The following NTM variants were observed in gnomAD, a reference collection of about 807,000 sequenced individuals.
NTM encodes IgLON family member 2.
Under a neutral mutation model 42.1 loss-of-function variants are expected in NTM, and 13 were observed. The ratio of observed to expected loss-of-function variants is 0.31; its 90% CI spans 0.20 to 0.49. NTM has a LOEUF of 0.49. NTM is among the 20% of genes least tolerant of loss of function. The pLI is 0.99. For synonymous variants in NTM, 187 were observed against 179.2 expected, an observed-to-expected ratio of 1.04 and a Z score of -0.35; for missense variants, 373 against 452.8, an observed-to-expected ratio of 0.82 and a Z score of 1.60.
intron 2 of NTM, among the ~76,000 whole-genome samples, chr11:132,124,377 C>T (rs1385077003): frequency 6.6e-6 from 1 of 152,208 alleles, no homozygotes; most frequent in Admixed American, 6.5e-5. Flanking sequence ...CTCCAAAACA[C>T]AGGTCCCAGC....
intron 1 of NTM, among the ~76,000 whole-genome samples, chr11:131,699,741 C>T (rs2075865493): frequency 6.6e-6 from 1 of 151,958 alleles, no homozygotes; most frequent in Non-Finnish European, 1.5e-5. Context: ...GGGAAAAGTC[C>T]CTTATAAAAC....
chr11:132,245,462 G>A (rs900281048), intron 4 of NTM, among the ~76,000 whole-genome samples: 1 of 152,124 alleles, frequency 6.6e-6, no homozygotes, highest in Non-Finnish European at 1.5e-5. Flanking sequence ...CACCGGGGAG[G>A]CTGGTTGTCA....
rs562955934 is a variant in NTM at position 131,965,787 on chromosome 11, C to T, written c.167+54139C>T. Among the ~76,000 whole-genome samples, 3 of 152,282 alleles carry T rather than the reference C, an allele frequency of 2.0e-5. No homozygotes were observed. In the South Asian group the frequency reaches 6.2e-4, roughly 32 times the overall value. On this transcript the variant is annotated intron_variant, in intron 2 of 8. Coordinates refer to ENST00000683400, the MANE Select transcript of NTM (RefSeq NM_001352005.2). The stretch of plus-strand genomic sequence containing the variant: ...ACTGGAGAAAACTTCAGTGGACTAT[C>T]AGCTAATTGAAGGTGAGGACTGTGT...
At chr11:131,974,285 A>AAATG (rs764476350) in intron 2 of NTM, among the ~76,000 whole-genome samples, 4 of 152,282 alleles carry the variant, frequency 2.6e-5, no homozygotes, top group Non-Finnish European at 5.9e-5. Context: ...ATCTGTGTTC[A>AAATG]AATGAATGAA....
At chr11:131,807,839 G>A (rs1188400677) in intron 1 of NTM, among the ~76,000 whole-genome samples, 1 of 152,090 alleles carries the variant, frequency 6.6e-6, no homozygotes, top group Non-Finnish European at 1.5e-5. Context: ...GAAGTTATTT[G>A]CATAACGACT....
chr11:132,261,178 T>A (rs2092827484), intron 4 of NTM, among the ~76,000 whole-genome samples: 1 of 152,136 alleles, frequency 6.6e-6, no homozygotes, highest in African/African-American at 2.4e-5. Flanking sequence ...TTTATGGAGA[T>A]AAGAACTCTT....
At chr11:131,835,729 G>A (rs559588779) in intron 1 of NTM, among the ~76,000 whole-genome samples, 1 of 152,258 alleles carries the variant, frequency 6.6e-6, no homozygotes, top group Admixed American at 6.5e-5. Context: ...GATTTCCCAA[G>A]CATAGATATA....
rs190844437 is a variant in NTM, at chr11:131,612,693, G to A, written c.82+241805G>A. ...GTTTATCGAATGCTGAACTACTGAC[G>A]ACAGCGTGCTAGTGGAAGGCTTCTG... is the stretch of plus-strand genomic sequence containing the variant. On this transcript the variant is annotated intron_variant, in intron 1 of 8. Transcript: ENST00000683400. 7.2e-5 allele frequency among the ~76,000 whole-genome samples: 11 copies of A among 152,298 alleles called. No homozygotes were observed. The East Asian group carries it at 7.7e-4, about 11-fold the overall frequency.
chr11:131,664,124 A>G (rs375368668), intron 1 of NTM, among the ~76,000 whole-genome samples: 9 of 152,232 alleles, frequency 5.9e-5, no homozygotes, highest in African/African-American at 2.2e-4. Context: ...CAGTGCAGCC[A>G]GCACAGGGAG....
At chr11:131,744,193 T>G (rs951624717) in intron 1 of NTM, among the ~76,000 whole-genome samples, 12 of 152,206 alleles carry the variant, frequency 7.9e-5, no homozygotes, top group African/African-American at 2.7e-4. Flanking sequence ...AGAGGATTAA[T>G]TTGTTAGTGT....
chr11:131,714,102 G>A (rs777201956), intron 1 of NTM, among the ~76,000 whole-genome samples: 4 of 152,140 alleles, frequency 2.6e-5, no homozygotes, highest in Admixed American at 6.5e-5. Context: ...CTGCCATTTT[G>A]CCTCATAGGG....
At chr11:131,740,930 G>A (rs1591535831) in intron 1 of NTM, among the ~76,000 whole-genome samples, 1 of 152,152 alleles carries the variant, frequency 6.6e-6, no homozygotes, top group African/African-American at 2.4e-5. Flanking sequence ...CACTTTGGGA[G>A]GCCGAGGCGT....
chr11:132,009,518 A>G (rs976348890), intron 2 of NTM, among the ~76,000 whole-genome samples: 2 of 152,222 alleles, frequency 1.3e-5, no homozygotes, highest in African/African-American at 2.4e-5. Context: ...TGCCTGGTCC[A>G]GTGCCCTGGC....
chr11:132,299,520 G>A (rs2094759665), intron 4 of NTM, among the ~76,000 whole-genome samples: 1 of 152,132 alleles, frequency 6.6e-6, no homozygotes, highest in Non-Finnish European at 1.5e-5. Flanking sequence ...AAGTTCAGGT[G>A]AAGTAAATAG....
At chr11:132,317,584 T>C (rs2095463806) in intron 7 of NTM, 1 of 870,022 alleles carries the variant, frequency 1.1e-6, no homozygotes, top group African/African-American at 1.7e-5. Context: ...ATATGACAAA[T>C]ATATAGCACT....
rs1280371211 is a variant in NTM, at chr11:131,500,569, ATATATATATTTTT to A, written c.82+129683_82+129695del. Among the ~76,000 whole-genome samples the A allele has an allele frequency of 7.1e-3, 414 of 58,066 alleles. 6 individuals are homozygous for A. Among genetic ancestry groups the A allele is most frequent in the East Asian group, 0.045 (78 of 1,744 alleles). The allele number at this position is 58,066 out of a possible 152,430, so 38.1% of individuals were successfully genotyped here. Reference sequence around the variant, plus strand: ...TATATATATATATATATATATATATATATATATATTTTTTTTTTTTTTTTTTGTATTATACTTT... The same window carrying A: ...TATATATATATATATATATATATATATTTTTTTTTTTTTGTATTATACTTT... On this transcript the variant is annotated intron_variant, in intron 1 of 8. Transcript: ENST00000683400.
chr11:131,581,323 A>G (rs1033373359), intron 1 of NTM, among the ~76,000 whole-genome samples: 3 of 152,218 alleles, frequency 2.0e-5, no homozygotes, highest in Admixed American at 6.5e-5. Flanking sequence ...ATGGACCACA[A>G]GATATTACTG....
At chr11:131,847,386 G>A (rs1009714378) in intron 1 of NTM, among the ~76,000 whole-genome samples, 5 of 151,982 alleles carry the variant, frequency 3.3e-5, no homozygotes, top group African/African-American at 1.2e-4. Context: ...GGAAGGAGGA[G>A]GGGAAAAGAT....
intron 1 of NTM, among the ~76,000 whole-genome samples, chr11:131,802,032 A>G (rs961017288): frequency 1.3e-5 from 2 of 152,178 alleles, no homozygotes; most frequent in Non-Finnish European, 1.5e-5. Flanking sequence ...GGTGCAGTAT[A>G]ATAAAAAAAA....
Sources: gnomAD v4.1 joint callset for allele counts (sites outside exome capture counted in the v4.1 genomes callset) on GRCh38, gnomAD v4.1.1 for gene constraint, MANE v1.5 for transcripts, NCBI Gene and HGNC (gene_info 2026-07-23, HGNC 2026-07-21) for gene names.